PRKN: variants seen among roughly 807,000 people sequenced by gnomAD.
The protein encoded by PRKN is E3 ubiquitin-protein ligase parkin.
Under a neutral mutation model 59.5 loss-of-function variants are expected in PRKN, and 56 were observed. That is an observed-to-expected ratio of 0.94 (90% confidence interval 0.76 to 1.18). The LOEUF is 1.18. Among genes scored for constraint, PRKN ranks in the 50% most tolerant of loss-of-function variants. The pLI, the probability that PRKN is intolerant of heterozygous loss-of-function variation, is 0.00. For missense variants in PRKN, 657 were observed against 596.4 expected (o/e 1.10, Z -1.06); for synonymous variants, 250 against 222.1 (o/e 1.13, Z -1.12).
intron 7 of PRKN, among the ~76,000 whole-genome samples, chr6:161,598,258 T>C (rs1187860337): frequency 6.6e-6 from 1 of 152,144 alleles, no homozygotes; most frequent in East Asian, 1.9e-4. Flanking sequence ...TCATAAGCCA[T>C]AAACTCATAG....
chr6:162,645,020 A>T (rs1226325058), intron 1 of PRKN, among the ~76,000 whole-genome samples: 1 of 152,172 alleles, frequency 6.6e-6, no homozygotes, highest in Non-Finnish European at 1.5e-5. Context: ...ATTGAATACC[A>T]TTTCAGTGTA....
intron 6 of PRKN, among the ~76,000 whole-genome samples, chr6:161,941,594 T>C (rs1052182312): frequency 2.5e-4 from 38 of 152,324 alleles, no homozygotes; most frequent in Admixed American, 1.7e-3. Flanking sequence ...AGGGGTCTAA[T>C]TGAGCTAACA....
At position 162,428,411 on chromosome 6, in the gene PRKN, C is replaced by T. The variant is rs547823040; in HGVS notation, c.171+14899G>A. Reference sequence around the variant, plus strand: ...CTCAAATTTATATTTCTGTTCTGTTCTAACCTCAACAACAGACAGATAAAC... The same window carrying T: ...CTCAAATTTATATTTCTGTTCTGTTTTAACCTCAACAACAGACAGATAAAC... On this transcript the variant is annotated intron_variant, in intron 2 of 11. Transcript: ENST00000366898. Among the ~76,000 whole-genome samples, 70 of 152,238 alleles carry T rather than the reference C, an allele frequency of 4.6e-4. 2 individuals are homozygous for T. The South Asian group carries it at 8.5e-3, about 19-fold the overall frequency.
At chr6:162,459,699 C>T (rs1791066137) in intron 1 of PRKN, among the ~76,000 whole-genome samples, 1 of 152,158 alleles carries the variant, frequency 6.6e-6, no homozygotes. Context: ...TGTCTGACTA[C>T]ATGTAAAATT....
intron 1 of PRKN, among the ~76,000 whole-genome samples, chr6:162,511,226 A>G (rs1777602926): frequency 2.0e-5 from 3 of 151,796 alleles, no homozygotes. Context: ...TCAGGCCTGG[A>G]AGCTACCACT....
chr6:162,550,211 C>T (rs538754831), intron 1 of PRKN, among the ~76,000 whole-genome samples: 6 of 152,134 alleles, frequency 3.9e-5, no homozygotes, highest in Non-Finnish European at 5.9e-5. Context: ...TAAAATATCA[C>T]AGTAGCTTCG....
chr6:162,125,552 C>A (rs62437976), intron 4 of PRKN, among the ~76,000 whole-genome samples: 2,869 of 152,210 alleles, frequency 0.019, 37 homozygotes, highest in Middle Eastern at 0.031. Context: ...AACACGATTA[C>A]CCCTGTGGAA....
At chr6:162,140,275 T>C (rs1191600272) in intron 4 of PRKN, among the ~76,000 whole-genome samples, 2 of 152,186 alleles carry the variant, frequency 1.3e-5, no homozygotes, top group Non-Finnish European at 2.9e-5. Context: ...CTTTTGCTTT[T>C]CATGATAATT....
At chr6:162,443,519 G>A (rs771710791) in intron 1 of PRKN, 46 bp from the exon 2 acceptor site, 93 of 1,580,116 alleles carry the variant, frequency 5.9e-5, no homozygotes, top group Admixed American at 1.2e-4. Context: ...AGCATCACTC[G>A]AAGCCCTTAA....
chr6:162,648,678 G>A (rs55822577), intron 1 of PRKN, among the ~76,000 whole-genome samples: 11,913 of 152,178 alleles, frequency 0.078, 671 homozygotes, highest in Middle Eastern at 0.17. Context: ...CACGACAGCC[G>A]GCCAGTGTTC....
chr6:162,319,356 A>G (rs964557498), intron 2 of PRKN, among the ~76,000 whole-genome samples: 1 of 152,006 alleles, frequency 6.6e-6, no homozygotes, highest in Non-Finnish European at 1.5e-5. Context: ...TGTGGAAAAT[A>G]AGAATGAATT....
chr6:161,547,984 C>T lies in PRKN; in HGVS notation c.1083+870G>A, dbSNP rs1415049371. On this transcript the variant is annotated intron_variant, in intron 9 of 11. Transcript: ENST00000366898. The surrounding 1 kb of genome is among the most constrained non-coding windows in gnomAD (Gnocchi z 4.0). The stretch of plus-strand genomic sequence containing the variant: ...TGCTAATTTATTTCTAGATGACTTA[C>T]AGTGCTCAGCCCCAAATCAAGACTG... Among the ~76,000 whole-genome samples, 1 of 152,192 alleles carries T rather than the reference C, an allele frequency of 6.6e-6. No individual in the cohort carries two copies.
chr6:162,306,093 T>C (rs1170926697), intron 2 of PRKN, among the ~76,000 whole-genome samples: 1 of 152,156 alleles, frequency 6.6e-6, no homozygotes, highest in East Asian at 1.9e-4. Flanking sequence ...GAAAATAATC[T>C]TCATAAGTTC....
At chr6:161,647,935 C>A (rs552353701) in intron 7 of PRKN, among the ~76,000 whole-genome samples, 2 of 152,120 alleles carry the variant, frequency 1.3e-5, no homozygotes, top group South Asian at 4.1e-4. Flanking sequence ...AAATTTAGTA[C>A]GGTATGAGAT....
At chr6:162,219,453 C>A (rs574273404) in intron 3 of PRKN, among the ~76,000 whole-genome samples, 1 of 152,092 alleles carries the variant, frequency 6.6e-6, no homozygotes, top group East Asian at 1.9e-4. Context: ...CAAACTCAGG[C>A]CAGCTGGATC....
At chr6:162,398,933 T>G (rs10455903) in intron 2 of PRKN, among the ~76,000 whole-genome samples, 29,485 of 152,144 alleles carry the variant, frequency 0.19, 3,232 homozygotes, top group Non-Finnish European at 0.23. Context: ...AAAAAGAAAC[T>G]GAAGATGTAA....
At chr6:162,002,878 T>C (rs1307657386) in intron 5 of PRKN, among the ~76,000 whole-genome samples, 1 of 145,548 alleles carries the variant, frequency 6.9e-6, no homozygotes, top group Non-Finnish European at 1.6e-5. Flanking sequence ...ATTTGACTCA[T>C]GTGTTACTGA....
chr6:161,817,985 T>C (rs894286825), intron 6 of PRKN, among the ~76,000 whole-genome samples: 6 of 152,208 alleles, frequency 3.9e-5, no homozygotes, highest in Non-Finnish European at 8.8e-5. Context: ...GATAGTCTAC[T>C]GGCGTAGGAG....
rs1323542904 is a variant in PRKN at position 161,548,304 on chromosome 6, GAACA to G, written c.1083+546_1083+549del. ...CCAGGTCACATGGTTTGACCTCTTA[GAACA>G]AACATTTTCCACATTTCTTATTCTG... On this transcript the variant is annotated intron_variant, in intron 9 of 11. Transcript: ENST00000366898. The surrounding 1 kb of genome is among the most constrained non-coding windows in gnomAD (Gnocchi z 4.2). Among the ~76,000 whole-genome samples the G allele has an allele frequency of 2.6e-5, 4 of 152,140 alleles. No individual in the cohort carries two copies. Among genetic ancestry groups the G allele is most frequent in the Admixed American group, 2.6e-4 (4 of 15,264 alleles).
Sources: allele counts gnomAD v4.1 joint callset (sites outside exome capture counted in the v4.1 genomes callset), GRCh38; gene constraint gnomAD v4.1.1; non-coding constraint Gnocchi (gnomAD v3.1); transcripts MANE v1.5; gene names NCBI Gene and HGNC (gene_info 2026-07-23, HGNC 2026-07-21).